Variants in ATF7 observed in about 807,000 individuals in gnomAD.
The protein encoded by ATF7 is activating transcription factor 7.
In ATF7, 10 loss-of-function variants were observed where a neutral mutation model predicts 50.4. The observed-to-expected ratio is 0.20, with a 90% CI of 0.12 to 0.34. The LOEUF (loss-of-function observed/expected upper bound fraction) is 0.34, where lower values mean the gene tolerates loss of function less well. Among genes scored for constraint, ATF7 ranks in the 10% least tolerant of loss-of-function variants. ATF7 has a pLI of 1.00. For synonymous variants in ATF7, 201 were observed against 226.4 expected, an observed-to-expected ratio of 0.89 and a Z score of 1.01; for missense variants, 465 against 613.9, an observed-to-expected ratio of 0.76 and a Z score of 2.56.
rs536350433 is a variant in ATF7 at position 53,543,808 on chromosome 12, T to C, written c.146-360A>G. ...AACCTCTAGATTTGAAAACCAAGTA[T>C]AGTTAAGCAATATTTTCTTTCGTAA... On this transcript the variant is annotated intron_variant, in intron 3 of 11. Transcript: ENST00000420353. The C allele has an allele frequency of 3.0e-5, 6 of 196,914 alleles. No homozygotes were observed. In the East Asian group the frequency reaches 7.5e-4, roughly 25 times the overall value. The allele number at this position is 196,914 out of a possible 1,614,324, so 12.2% of individuals were successfully genotyped here.
chr12:53,535,966 T>C (rs1592811383), intron 5 of ATF7, among the ~76,000 whole-genome samples: 1 of 151,694 alleles, frequency 6.6e-6, no homozygotes, highest in African/African-American at 2.4e-5. Flanking sequence ...TGCAGTGAGC[T>C]GAGATTGCAC....
At chr12:53,523,124 T>C (rs1938224544) in intron 11 of ATF7, 152 bp downstream of exon 11, 1 of 595,614 alleles carries the variant, frequency 1.7e-6, no homozygotes, top group East Asian at 2.8e-5. Flanking sequence ...ACATTTTTTT[T>C]CTAGGTCTGG....
chr12:53,600,901 G>A lies in ATF7; in HGVS notation c.48+52C>T, dbSNP rs186355605. Reference sequence around the variant, plus strand: ...AACTCTTTGCCTTAGTGATAAAACAGCCACTTTGATTCACAACGAGACATT... The same window carrying A: ...AACTCTTTGCCTTAGTGATAAAACAACCACTTTGATTCACAACGAGACATT... On this transcript the variant is annotated intron_variant, in intron 2 of 11. Coordinates refer to ENST00000420353, the MANE Select transcript of ATF7 (RefSeq NM_006856.3). The A allele has an allele frequency of 4.4e-6, 7 of 1,573,540 alleles. No homozygotes were observed. In the Admixed American group the frequency reaches 1.0e-4, roughly 24 times the overall value.
intron 4 of ATF7, among the ~76,000 whole-genome samples, chr12:53,540,968 C>A (rs1459060875): frequency 6.6e-6 from 1 of 152,072 alleles, no homozygotes; most frequent in African/African-American, 2.4e-5. Context: ...TGAGTTCCAG[C>A]AATCCTCCTG....
intron 9 of ATF7, among the ~76,000 whole-genome samples, chr12:53,525,485 G>A (rs1265885088): frequency 6.6e-6 from 1 of 152,184 alleles, no homozygotes; most frequent in Non-Finnish European, 1.5e-5. Flanking sequence ...CAAGTGATAT[G>A]TACAAACAAT....
chr12:53,613,441 TATCTC>T (rs540965746), intron 1 of ATF7, among the ~76,000 whole-genome samples: 135 of 152,324 alleles, frequency 8.9e-4, no homozygotes, highest in African/African-American at 3.0e-3. Context: ...TTTAAAAACT[TATCTC>T]ATAATTGCTA....
At chr12:53,519,244 C>T (rs1020340914) in intron 11 of ATF7, among the ~76,000 whole-genome samples, 6 of 152,090 alleles carry the variant, frequency 3.9e-5, no homozygotes, top group African/African-American at 1.4e-4. Flanking sequence ...AGGAAGCTCC[C>T]AGTTTAGGGG....
At chr12:53,510,109 G>A (rs1189586405), downstream of ATF7, among the ~76,000 whole-genome samples, 1 of 150,024 alleles carries the variant, frequency 6.7e-6, no homozygotes, top group Non-Finnish European at 1.5e-5. Flanking sequence ...GCTTGATCTC[G>A]GCTCACCACA....
chr12:53,615,934 A>G (rs539567783), intron 1 of ATF7, among the ~76,000 whole-genome samples: 3 of 152,300 alleles, frequency 2.0e-5, no homozygotes, highest in African/African-American at 7.2e-5. Context: ...CTATTTCAAA[A>G]AGAATGGTTG....
At chr12:53,613,538 T>TGAGA (rs1288691453) in intron 1 of ATF7, among the ~76,000 whole-genome samples, 1 of 152,120 alleles carries the variant, frequency 6.6e-6, no homozygotes, top group Admixed American at 6.6e-5. Context: ...TTATTTTTTC[T>TGAGA]GAGACAGGGT....
At chr12:53,548,184 A>AT (rs1940077286) in intron 3 of ATF7, among the ~76,000 whole-genome samples, 1 of 151,110 alleles carries the variant, frequency 6.6e-6, no homozygotes, top group South Asian at 2.1e-4. Flanking sequence ...AATTTTTAAA[A>AT]TTTTTTGTTA....
chr12:53,549,582 T>G (rs990983595), intron 3 of ATF7, among the ~76,000 whole-genome samples: 2 of 151,938 alleles, frequency 1.3e-5, no homozygotes, highest in Admixed American at 6.6e-5. Context: ...TTTGTATTTT[T>G]TTTGTTTGTT....
intron 2 of ATF7, among the ~76,000 whole-genome samples, chr12:53,555,491 T>A (rs1246013175): frequency 8.5e-5 from 1 of 11,754 alleles, no homozygotes; most frequent in African/African-American, 2.0e-4. Context: ...AATAATATAA[T>A]TTTTTTTTTT....
chr12:53,534,225 C>T (rs899578438), intron 6 of ATF7, among the ~76,000 whole-genome samples: 9 of 151,914 alleles, frequency 5.9e-5, no homozygotes, highest in Non-Finnish European at 1.0e-4. Flanking sequence ...TGCAGTGAGC[C>T]GAGATTGCAC....
chr12:53,545,063 G>C (rs1348661548), intron 3 of ATF7, among the ~76,000 whole-genome samples: 1 of 152,152 alleles, frequency 6.6e-6, no homozygotes, highest in African/African-American at 2.4e-5. Flanking sequence ...TGGAACAGGA[G>C]GGGGCAGCTA....
intron 3 of ATF7, among the ~76,000 whole-genome samples, chr12:53,551,120 T>C (rs1397080283): frequency 1.3e-5 from 2 of 152,232 alleles, no homozygotes; most frequent in Admixed American, 1.3e-4. Context: ...GTCTGACCTA[T>C]ATGTATACCC....
chr12:53,612,718 G>A (rs1943943032), intron 1 of ATF7, among the ~76,000 whole-genome samples: 2 of 152,140 alleles, frequency 1.3e-5, no homozygotes, highest in African/African-American at 4.8e-5. Context: ...TGGGCAAGGT[G>A]GCTGGCTGGG....
chr12:53,624,474 A>G (rs1325011148), intron 1 of ATF7, among the ~76,000 whole-genome samples: 1 of 152,260 alleles, frequency 6.6e-6, no homozygotes, highest in Admixed American at 6.5e-5. Flanking sequence ...TTAATTGGCT[A>G]TATTAGTCCA....
rs1201724257 is a variant in ATF7 at position 53,513,991 on chromosome 12, C to G, written c.*3146G>C. On this transcript the variant is annotated 3_prime_UTR_variant, in exon 12 of 12. Transcript: ENST00000420353. ...AGAGTACATGGTCTAATGCTTAGGGCCAAGGAGGGAGGTGAAGGCTAAGGA... is the reference window on the plus strand; with the variant it reads ...AGAGTACATGGTCTAATGCTTAGGGGCAAGGAGGGAGGTGAAGGCTAAGGA... 1.3e-5 allele frequency: 2 copies of G among 152,134 alleles called. No individual in the cohort carries two copies. The highest frequency in any genetic ancestry group is 4.8e-5 in the African/African-American group (2 of 41,428). The allele number at this position is 152,134 out of a possible 1,614,324, so 9.4% of individuals were successfully genotyped here. A position where few individuals can be genotyped will look rare whatever the true frequency, so the allele number is the denominator to read the frequency against.
Sources: allele counts gnomAD v4.1 joint callset (sites outside exome capture counted in the v4.1 genomes callset), GRCh38; gene constraint gnomAD v4.1.1; transcripts MANE v1.5; gene names NCBI Gene and HGNC (gene_info 2026-07-23, HGNC 2026-07-21).